The following YEATS4 variants were observed in gnomAD, a reference collection of about 807,000 sequenced individuals.
YEATS4 encodes the protein YEATS domain-containing protein 4.
Under a neutral mutation model 30.1 loss-of-function variants are expected in YEATS4, and 17 were observed. The ratio of observed to expected loss-of-function variants is 0.56; its 90% CI spans 0.39 to 0.85. The LOEUF (loss-of-function observed/expected upper bound fraction) is 0.85, where lower values mean the gene tolerates loss of function less well. Among genes scored for constraint, YEATS4 ranks in the 40% least tolerant of loss-of-function variants. YEATS4 has a pLI of 0.00. For missense variants in YEATS4, 142 were observed against 268.3 expected, an observed-to-expected ratio of 0.53 and a Z score of 3.29; for synonymous variants, 85 against 87.5, an observed-to-expected ratio of 0.97 and a Z score of 0.16.
chr12:69,360,465 C>CGAG (rs1199707509), intron 1 of YEATS4, among the ~76,000 whole-genome samples: 2 of 152,090 alleles, frequency 1.3e-5, no homozygotes, highest in Admixed American at 1.3e-4. Flanking sequence ...ACTGAGACAC[C>CGAG]GAGGCATACG....
At chr12:69,398,829 AC>A in the YEATS4 span, among the ~76,000 whole-genome samples, 605 of 76,668 alleles carry the variant, frequency 7.9e-3, 6 homozygotes, top group African/African-American at 0.037. Context: ...AAAAAAAAAA[AC>A]GGCAAATTGA....
At chr12:69,412,494 C>CAAAA in the YEATS4 span, among the ~76,000 whole-genome samples, 15 of 150,642 alleles carry the variant, frequency 1.0e-4, no homozygotes, top group African/African-American at 3.7e-4. Context: ...ACTAAAAATA[C>CAAAA]AAAAAAAAAT....
Position 69,365,712 on chromosome 12 carries a change from C to G in YEATS4, c.238+13C>G, listed in dbSNP as rs375696547. ...AATCCTTTAAGAGGTACAATATAGT[C>G]TTTTGATTCACAATATCCAAAGTTA... On this transcript the variant is annotated intron_variant, in intron 3 of 6. Transcript: ENST00000247843. 2.6e-5 allele frequency: 42 copies of G among 1,607,266 alleles called. No individual in the cohort carries two copies. The highest frequency in any genetic ancestry group is 3.5e-5 in the Non-Finnish European group (41 of 1,176,278).
chr12:69,390,270 A>G lies in YEATS4; in HGVS notation c.638A>G (p.Asn213Ser). ...ASRETINCLK[N>S]EIRKLEEDDQ... ...CGTGAAACTATAAATTGTTTAAAAAATGAAATCAGAAAACTTGAAGAAGAT... is the reference window on the plus strand; with the variant it reads ...CGTGAAACTATAAATTGTTTAAAAAGTGAAATCAGAAAACTTGAAGAAGAT... Residue 213 changes from asparagine to serine, a missense_variant, in exon 7 of 7, where the codon AAT becomes AGT. Asn to Ser is a conservative substitution (Grantham distance 46, BLOSUM62 1). Transcript: ENST00000247843. 1 of 1,598,278 alleles carries G rather than the reference A, an allele frequency of 6.3e-7. No individual in the cohort carries two copies. The highest frequency in any genetic ancestry group is 8.5e-7 in the Non-Finnish European group (1 of 1,176,108).
the YEATS4 span, among the ~76,000 whole-genome samples, chr12:69,417,226 T>C: frequency 0.31 from 43,032 of 139,228 alleles, 7,114 homozygotes; most frequent in East Asian, 0.57. Flanking sequence ...GGTATGATCA[T>C]GGCTCACTGC....
At chr12:69,391,541 G>A (rs1304218903), downstream of YEATS4, among the ~76,000 whole-genome samples, 4 of 152,156 alleles carry the variant, frequency 2.6e-5, no homozygotes, top group African/African-American at 4.8e-5. Context: ...CTGCCCTGAT[G>A]GATTGGTTAC....
chr12:69,383,552 T>C (rs150559054), intron 6 of YEATS4, among the ~76,000 whole-genome samples: 2,899 of 152,018 alleles, frequency 0.019, 39 homozygotes, highest in Middle Eastern at 0.027. Context: ...ACAGCAAATA[T>C]GGAGGGAGAA....
intron 4 of YEATS4, among the ~76,000 whole-genome samples, chr12:69,370,379 G>C (rs547485446): frequency 9.9e-5 from 15 of 152,268 alleles, no homozygotes; most frequent in Non-Finnish European, 1.9e-4. Context: ...ACTTGTGTAA[G>C]TAAAAGAATT....
At chr12:69,372,051 G>A (rs1257589351) in intron 6 of YEATS4, among the ~76,000 whole-genome samples, 1 of 152,168 alleles carries the variant, frequency 6.6e-6, no homozygotes. Flanking sequence ...CGAGGAGTGG[G>A]AGATGAGATC....
chr12:69,419,215 C>CG, the YEATS4 span, among the ~76,000 whole-genome samples: 3 of 116,584 alleles, frequency 2.6e-5, no homozygotes, highest in African/African-American at 9.4e-5. Context: ...TCCTATTTTA[C>CG]TTTTTTTTTT....
At chr12:69,409,221 GT>G in the YEATS4 span, among the ~76,000 whole-genome samples, 1 of 152,200 alleles carries the variant, frequency 6.6e-6, no homozygotes, top group African/African-American at 2.4e-5. Context: ...GTTTAAAGTA[GT>G]CATAATCATA....
At chr12:69,374,646 C>T (rs1333102750) in intron 6 of YEATS4, among the ~76,000 whole-genome samples, 2 of 132,946 alleles carry the variant, frequency 1.5e-5, no homozygotes, top group Non-Finnish European at 3.4e-5. Flanking sequence ...TCTTGCGCCG[C>T]CCTTAATCCA....
chr12:69,375,078 C>A (rs563360465), intron 6 of YEATS4, among the ~76,000 whole-genome samples: 13 of 150,930 alleles, frequency 8.6e-5, no homozygotes, highest in Non-Finnish European at 1.3e-4. Flanking sequence ...GGGCGGCTGC[C>A]GGGCGGAGAC....
At chr12:69,379,665 T>A (rs1416885665) in intron 6 of YEATS4, among the ~76,000 whole-genome samples, 1 of 137,092 alleles carries the variant, frequency 7.3e-6, no homozygotes, top group African/African-American at 2.8e-5. Context: ...AGTCTCGAAC[T>A]CCTGGGCTCA....
the YEATS4 span, among the ~76,000 whole-genome samples, chr12:69,401,731 C>T: frequency 6.6e-6 from 1 of 152,238 alleles, no homozygotes; most frequent in Non-Finnish European, 1.5e-5. Flanking sequence ...CCATCCATTT[C>T]AGCCAGTAGG....
the YEATS4 span, among the ~76,000 whole-genome samples, chr12:69,405,436 A>G: frequency 2.6e-5 from 4 of 152,182 alleles, no homozygotes; most frequent in African/African-American, 9.7e-5. Context: ...TAGTGACCTC[A>G]GCGTACAGTT....
intron 6 of YEATS4, among the ~76,000 whole-genome samples, chr12:69,387,573 C>T (rs1868266503): frequency 6.6e-6 from 1 of 152,176 alleles, no homozygotes; most frequent in South Asian, 2.1e-4. Flanking sequence ...TTTTATTTAT[C>T]CATTCAATTA....
intron 6 of YEATS4, among the ~76,000 whole-genome samples, chr12:69,388,744 A>T (rs1156819602): frequency 6.6e-6 from 1 of 152,216 alleles, no homozygotes; most frequent in Non-Finnish European, 1.5e-5. Flanking sequence ...ACAATAGTTG[A>T]TAGGGCTTTT....
At chr12:69,413,859 AAAAAG>A in the YEATS4 span, among the ~76,000 whole-genome samples, 53,123 of 143,702 alleles carry the variant, frequency 0.37, 10,587 homozygotes, top group East Asian at 0.59. Flanking sequence ...CAAAAAAAAA[AAAAAG>A]AAAAAGAAAA....
Sources: gnomAD v4.1 joint callset for allele counts (sites outside exome capture counted in the v4.1 genomes callset) on GRCh38, gnomAD v4.1.1 for gene constraint, MANE v1.5 for transcripts, NCBI Gene and HGNC (gene_info 2026-07-23, HGNC 2026-07-21) for gene names.